The following CDH1 variants were observed in gnomAD, a reference collection of about 807,000 sequenced individuals.
CDH1 encodes cadherin-1.
CDH1 carries 35 observed loss-of-function variants against 84.5 expected under a neutral mutation model. That is an observed-to-expected ratio of 0.41 (90% CI 0.32 to 0.55). CDH1 has a LOEUF of 0.55. Ranked by LOEUF, CDH1 falls within the 20% of genes least tolerant of loss-of-function variation. The pLI is 0.19. For synonymous variants in CDH1, 417 were observed against 439.0 expected (o/e 0.95, Z 0.63); for missense variants, 994 against 1,126.6 (o/e 0.88, Z 1.68).
chr16:68,790,276 G>A (rs1960172413), intron 2 of CDH1, among the ~76,000 whole-genome samples: 1 of 152,110 alleles, frequency 6.6e-6, no homozygotes, highest in South Asian at 2.1e-4. Context: ...AGAGGAGGAG[G>A]GATTTAGTAG....
rs79530417 is a variant in CDH1 at position 68,789,266 on chromosome 16, A to C, written c.164-12404A>C. 5.8e-3 allele frequency among the ~76,000 whole-genome samples: 886 copies of C among 152,154 alleles called. 6 individuals carry two copies. The highest frequency in any genetic ancestry group is 0.021 in the African/African-American group (856 of 41,520). On this transcript the variant is annotated intron_variant, in intron 2 of 15. Transcript: ENST00000261769. ...CTGGTCTTGACGGGACTTGGACTCA[A>C]GTGATCCGCCCACTTCAGCCTCCCC... is the stretch of plus-strand genomic sequence containing the variant.
chr16:68,760,772 A>C (rs1378711122), intron 2 of CDH1, among the ~76,000 whole-genome samples: 4 of 152,066 alleles, frequency 2.6e-5, no homozygotes. Flanking sequence ...GGGCTCATTT[A>C]GAATTCAGGT....
rs10563852 is a variant in CDH1, at chr16:68,804,102, C to CTTT, written c.387+2236_387+2238dup. ...ATTCATTACTTAGTTATCTGTCTGC[C>CTTT]TTTTTTTTTTTTTTTTTTTTTTTTT... On this transcript the variant is annotated intron_variant, in intron 3 of 15. Coordinates refer to ENST00000261769, the MANE Select transcript of CDH1 (RefSeq NM_004360.5). Among the ~76,000 whole-genome samples the CTTT allele has an allele frequency of 1.4e-3, 102 of 75,094 alleles. 19 individuals carry two copies. The highest frequency in any genetic ancestry group is 4.0e-3 in the African/African-American group (82 of 20,526). The allele number at this position is 75,094 out of a possible 152,430, so 49.3% of individuals were successfully genotyped here.
chr16:68,832,015 T>C (rs1476891804), intron 15 of CDH1, among the ~76,000 whole-genome samples: 2 of 152,152 alleles, frequency 1.3e-5, no homozygotes, highest in Non-Finnish European at 2.9e-5. Flanking sequence ...CCATTATCCT[T>C]AGCAAACTAA....
At chr16:68,745,968 C>A (rs1001030328) in intron 2 of CDH1, among the ~76,000 whole-genome samples, 5 of 152,172 alleles carry the variant, frequency 3.3e-5, no homozygotes, top group African/African-American at 1.2e-4. Flanking sequence ...CAGGCATGCA[C>A]CACTACGCCT....
rs990981220 is a variant in CDH1, at chr16:68,819,563, T to C, written c.1711+138T>C. 6.1e-6 allele frequency: 6 copies of C among 984,226 alleles called. No homozygotes were observed. In the African/African-American group the frequency reaches 9.7e-5, roughly 16 times the overall value. The allele number at this position is 984,226 out of a possible 1,614,324, so 61.0% of individuals were successfully genotyped here. ...TTTGCTGGATTGATTTGTATAAATGTATGGAGTACAAGGGTAATTTTGTTA... is the reference window on the plus strand; with the variant it reads ...TTTGCTGGATTGATTTGTATAAATGCATGGAGTACAAGGGTAATTTTGTTA... On this transcript the variant is annotated intron_variant, in intron 11 of 15. Coordinates refer to ENST00000261769, the MANE Select transcript of CDH1 (RefSeq NM_004360.5).
In CDH1 at chr16:68,801,717, C is replaced by G. The variant is rs1555514408; in HGVS notation, c.211C>G (p.Leu71Val). Residue 71 changes from leucine to valine, a missense_variant, in exon 3 of 16, where the codon CTC becomes GTC. Physicochemically the swap from Leu to Val is conservative, Grantham distance 32. This residue lies in a region of CDH1 where 203 missense variants were observed against 194.0 expected (regional missense o/e 1.05). Transcript: ENST00000261769. ...TGRQRTAYFSLDTRFKVGTDG... is the reference protein window; with the variant it reads ...TGRQRTAYFSVDTRFKVGTDG... ...TCGACAAAGGACAGCCTATTTTTCC[C>G]TCGACACCCGATTCAAAGTGGGCAC... 1 of 1,614,128 alleles carries G rather than the reference C, an allele frequency of 6.2e-7. No individual in the cohort carries two copies. The highest frequency in any genetic ancestry group is 8.5e-7 in the Non-Finnish European group (1 of 1,180,010).
At chr16:68,783,963 A>C (rs1030881308) in intron 2 of CDH1, among the ~76,000 whole-genome samples, 4 of 152,150 alleles carry the variant, frequency 2.6e-5, no homozygotes, top group African/African-American at 9.7e-5. Flanking sequence ...GGCATGAGCC[A>C]CCGTGCCCAG....
chr16:68,806,917 A>G (rs1036199750), intron 3 of CDH1, among the ~76,000 whole-genome samples: 7 of 152,158 alleles, frequency 4.6e-5, no homozygotes, highest in African/African-American at 1.7e-4. Flanking sequence ...CTGTGATGAT[A>G]CCTGGTCATA....
chr16:68,813,234 G>A (rs1960886629), intron 8 of CDH1, 79 bp from the exon 9 acceptor site: 1 of 1,397,322 alleles, frequency 7.2e-7, no homozygotes, highest in Non-Finnish European at 1.0e-6. Flanking sequence ...CAAAAAAAGA[G>A]GAATCCTTTA....
intron 2 of CDH1, among the ~76,000 whole-genome samples, chr16:68,784,402 C>T (rs997520670): frequency 6.6e-6 from 1 of 152,044 alleles, no homozygotes; most frequent in African/African-American, 2.4e-5. Flanking sequence ...TGACATCCAG[C>T]ATTTTTTTTT....
chr16:68,823,349 T>G, intron 12 of CDH1, 50 bp from the exon 13 acceptor site: 1 of 1,360,186 alleles, frequency 7.4e-7, no homozygotes, highest in African/African-American at 1.4e-5. Flanking sequence ...GGAATGAGCT[T>G]TTTATTTTCC....
intron 2 of CDH1, among the ~76,000 whole-genome samples, chr16:68,764,136 G>T (rs1213065888): frequency 6.6e-6 from 1 of 152,204 alleles, no homozygotes; most frequent in Non-Finnish European, 1.5e-5. Context: ...TGGGGGATGG[G>T]CTATGAAGCT....
At chr16:68,797,164 A>G (rs1168020133) in intron 2 of CDH1, among the ~76,000 whole-genome samples, 1 of 152,174 alleles carries the variant, frequency 6.6e-6, no homozygotes, top group Admixed American at 6.6e-5. Flanking sequence ...AGGCAGGTGG[A>G]TCACCTGAGG....
At position 68,833,399 on chromosome 16, in the gene CDH1, C is replaced by G. The variant is rs1337211551; in HGVS notation, c.2549C>G (p.Ser850Cys). Residue 850 changes from serine to cysteine, a missense_variant, in exon 16 of 16, where the codon TCC becomes TGC. By Grantham distance (112) the Ser-to-Cys change is moderately radical. Around this residue, in one of 3 missense-constraint regions of CDH1, gnomAD observed 769 missense variants for 881.8 expected, o/e 0.87. Coordinates refer to ENST00000261769, the MANE Select transcript of CDH1 (RefSeq NM_004360.5). ...SEAASLSSLN[S>C]SESDKDQDYD... ...GCTGCTAGTCTGAGCTCCCTGAACT[C>G]CTCAGAGTCAGACAAAGACCAGGAC... 1 of 1,613,950 alleles carries G rather than the reference C, an allele frequency of 6.2e-7. No homozygotes were observed. The highest frequency in any genetic ancestry group is 8.5e-7 in the Non-Finnish European group (1 of 1,179,956).
intron 2 of CDH1, among the ~76,000 whole-genome samples, chr16:68,795,620 G>T (rs1204176967): frequency 6.6e-6 from 1 of 151,766 alleles, no homozygotes; most frequent in Non-Finnish European, 1.5e-5. Context: ...CTGGCCTTCT[G>T]AGTAGCTGGG....
chr16:68,778,440 A>G (rs1328000332), intron 2 of CDH1, among the ~76,000 whole-genome samples: 1 of 152,200 alleles, frequency 6.6e-6, no homozygotes, highest in Non-Finnish European at 1.5e-5. Flanking sequence ...CATTAGTGAA[A>G]CAGCTCTTGT....
intron 2 of CDH1, among the ~76,000 whole-genome samples, chr16:68,788,542 G>A (rs1395660681): frequency 2.6e-5 from 4 of 151,986 alleles, no homozygotes; most frequent in Non-Finnish European, 4.4e-5. Flanking sequence ...CTTTCACTCG[G>A]TGTAATGCTT....
intron 3 of CDH1, among the ~76,000 whole-genome samples, chr16:68,803,815 T>C (rs746066608): frequency 3.3e-5 from 5 of 152,116 alleles, no homozygotes; most frequent in South Asian, 2.1e-4. Context: ...AAATCTCCAA[T>C]TGTCGTGGTT....
Sources: gnomAD v4.1 joint callset for allele counts (sites outside exome capture counted in the v4.1 genomes callset) on GRCh38, gnomAD v4.1.1 for gene constraint, gnomAD v4.1.1 regional missense constraint, MANE v1.5 for transcripts, NCBI Gene and HGNC (gene_info 2026-07-23, HGNC 2026-07-21) for gene names.